Variants in AP5M1 observed in about 807,000 individuals in gnomAD.
The protein encoded by AP5M1 is adaptor related protein complex 5 subunit mu 1.
A neutral mutation model predicts 52.3 loss-of-function variants in AP5M1; 44 were observed. The observed-to-expected ratio is 0.84, with a 90% CI of 0.66 to 1.08. AP5M1 has a LOEUF of 1.08. Among genes scored for constraint, AP5M1 ranks in the 50% least tolerant of loss-of-function variants. The pLI is 0.00. For missense variants in AP5M1, 526 were observed against 568.4 expected, an observed-to-expected ratio of 0.93 and a Z score of 0.76; for synonymous variants, 213 against 199.0, an observed-to-expected ratio of 1.07 and a Z score of -0.59.
rs548669783 is a variant in AP5M1, at chr14:57,293,911, A to C, written c.*5027A>C. The C allele has an allele frequency of 1.3e-5, 2 of 151,748 alleles. No individual in the cohort carries two copies. The highest frequency in any genetic ancestry group is 1.9e-4 in the East Asian group (1 of 5,154). The allele number at this position is 151,748 out of a possible 1,614,324, so 9.4% of individuals were successfully genotyped here. On this transcript the variant is annotated 3_prime_UTR_variant, in exon 8 of 8. Coordinates refer to ENST00000261558, the MANE Select transcript of AP5M1 (RefSeq NM_018229.4). ...GTTAATAGTAATGAAATGATTCATTAAACTGAAAATTGCAAAGGAACTCAT... is the reference window on the plus strand; with the variant it reads ...GTTAATAGTAATGAAATGATTCATTCAACTGAAAATTGCAAAGGAACTCAT...
rs1014439282 is a variant in AP5M1 at position 57,291,005 on chromosome 14, A to G, written c.*2121A>G. On this transcript the variant is annotated 3_prime_UTR_variant, in exon 8 of 8. Transcript: ENST00000261558. The stretch of plus-strand genomic sequence containing the variant: ...CCTTTCTTCAGAGTCCGTTGCCACA[A>G]TTAAAGAAGAAACAGCTGCATTTCA... 4 of 151,896 alleles carry G rather than the reference A, an allele frequency of 2.6e-5. No homozygotes were observed. The highest frequency in any genetic ancestry group is 7.2e-5 in the African/African-American group (3 of 41,398). The allele number at this position is 151,896 out of a possible 1,614,324, so 9.4% of individuals were successfully genotyped here.
intron 2 of AP5M1, among the ~76,000 whole-genome samples, chr14:57,275,716 T>C (rs1187958386): frequency 2.0e-5 from 3 of 152,208 alleles, no homozygotes; most frequent in African/African-American, 7.2e-5. Context: ...CTCTGACATA[T>C]CTAAAATCAT....
Position 57,291,727 on chromosome 14 carries a change from A to G in AP5M1, c.*2843A>G, listed in dbSNP as rs1002539895. The G allele has an allele frequency of 1.7e-4, 26 of 151,894 alleles. No homozygotes were observed. Among genetic ancestry groups the G allele is most frequent in the African/African-American group, 5.8e-4 (24 of 41,394 alleles). The allele number at this position is 151,894 out of a possible 1,614,324, so 9.4% of individuals were successfully genotyped here. A position where few individuals can be genotyped will look rare whatever the true frequency, so the allele number is the denominator to read the frequency against. ...AAATTATGGTGTTTTTATACATTGT[A>G]TGATTTAAGATCTTTCAAGGCAGAC... On this transcript the variant is annotated 3_prime_UTR_variant, in exon 8 of 8. Coordinates refer to ENST00000261558, the MANE Select transcript of AP5M1 (RefSeq NM_018229.4).
In AP5M1 at chr14:57,297,328, T is replaced by C. The variant is rs997545309; in HGVS notation, c.*8444T>C. The stretch of plus-strand genomic sequence containing the variant: ...TCACTGATTTTGAATGTGTGCTCAA[T>C]TTGCTAGTATGAGATTTACCTCTGC... On this transcript the variant is annotated 3_prime_UTR_variant, in exon 8 of 8. Transcript: ENST00000261558. 2.6e-5 allele frequency: 4 copies of C among 152,160 alleles called. No homozygotes were observed. Among genetic ancestry groups the C allele is most frequent in the Admixed American group, 2.6e-4 (4 of 15,238 alleles). The allele number at this position is 152,160 out of a possible 1,614,324, so 9.4% of individuals were successfully genotyped here.
rs754722916 is a variant in AP5M1, at chr14:57,292,875, G to A, written c.*3991G>A. 4.6e-5 allele frequency: 7 copies of A among 151,424 alleles called. No homozygotes were observed. Among genetic ancestry groups the A allele is most frequent in the East Asian group, 1.9e-4 (1 of 5,172 alleles). 9.4% of individuals were successfully genotyped at this position (151,424 alleles called of 1,614,324 possible). On this transcript the variant is annotated 3_prime_UTR_variant, in exon 8 of 8. Coordinates refer to ENST00000261558, the MANE Select transcript of AP5M1 (RefSeq NM_018229.4). ...TATCCACCTTAAGACTAATGATTTC[G>A]AAGCTTTGTTAACTATTTCTTTTCT...
rs1298485846 is a variant in AP5M1, at chr14:57,296,640, C to T, written c.*7756C>T. 6.6e-6 allele frequency: 1 copy of T among 151,950 alleles called. No homozygotes were observed. Among genetic ancestry groups the T allele is most frequent in the Non-Finnish European group, 1.5e-5 (1 of 67,958 alleles). The allele number at this position is 151,950 out of a possible 1,614,324, so 9.4% of individuals were successfully genotyped here. On this transcript the variant is annotated 3_prime_UTR_variant, in exon 8 of 8. Transcript: ENST00000261558. ...TTTTTAATATGAATAACAGTGGTCT[C>T]GTGCCATAAGTATTTCTCTCATACA... is the stretch of plus-strand genomic sequence containing the variant.
At chr14:57,275,350 G>T (rs553729025) in intron 2 of AP5M1, 1 of 172,238 alleles carries the variant, frequency 5.8e-6, no homozygotes, top group Non-Finnish European at 1.2e-5. Context: ...CTGCTTAAGT[G>T]TCCTCACACT....
In AP5M1 at chr14:57,289,111, G is replaced by C. The variant is rs1885379484; in HGVS notation, c.*227G>C. The stretch of plus-strand genomic sequence containing the variant: ...TTCGATTTTATGCCAGTATAATTCA[G>C]AACATAGAAAAGTAATGATTCACTT... On this transcript the variant is annotated 3_prime_UTR_variant, in exon 8 of 8. Transcript: ENST00000261558. The C allele has an allele frequency of 3.3e-6, 1 of 307,458 alleles. No homozygotes were observed. Among genetic ancestry groups the C allele is most frequent in the Non-Finnish European group, 6.0e-6 (1 of 167,022 alleles). 19.0% of individuals were successfully genotyped at this position (307,458 alleles called of 1,614,324 possible). A position where few individuals can be genotyped will look rare whatever the true frequency, so the allele number is the denominator to read the frequency against.
chr14:57,274,685 A>G lies in AP5M1; in HGVS notation c.516A>G (p.Leu172=). 6.2e-7 allele frequency: 1 copy of G among 1,614,180 alleles called. No individual in the cohort carries two copies. The highest frequency in any genetic ancestry group is 2.2e-5 in the East Asian group (1 of 44,878). ...LLLQACPFGT[L]LDANLQNSLD... is the part of the protein sequence containing the mutation. ...TGCAGGCTTGTCCATTTGGTACTTT[A>G]TTAGATGCCAACTTACAGAATTCAT... The change falls in exon 2 of 8, where the codon TTA becomes TTG. Residue 172 remains leucine, a synonymous_variant. Transcript: ENST00000261558.
chr14:57,276,423 A>G lies in AP5M1; in HGVS notation c.720+1534A>G, dbSNP rs189943183. Among the ~76,000 whole-genome samples the G allele has an allele frequency of 3.6e-3, 552 of 152,214 alleles. 10 individuals carry two copies. Among genetic ancestry groups the G allele is most frequent in the Admixed American group, 0.025 (384 of 15,290 alleles). On this transcript the variant is annotated intron_variant, in intron 2 of 7. Transcript: ENST00000261558. Reference sequence around the variant, plus strand: ...AAACCCTGTCTCTACTAAAAATACAAAAATTAGCCAGGCATGTTGGAGCAT... The same window carrying G: ...AAACCCTGTCTCTACTAAAAATACAGAAATTAGCCAGGCATGTTGGAGCAT...
In AP5M1 at chr14:57,290,346, T is replaced by G. The variant is rs572283247; in HGVS notation, c.*1462T>G. 2.0e-5 allele frequency: 3 copies of G among 152,110 alleles called. No homozygotes were observed. In the East Asian group the frequency reaches 5.8e-4, roughly 29 times the overall value. The allele number at this position is 152,110 out of a possible 1,614,324, so 9.4% of individuals were successfully genotyped here. On this transcript the variant is annotated 3_prime_UTR_variant, in exon 8 of 8. Transcript: ENST00000261558. ...AGGATTTTAACTTGTTATTCTAGCT[T>G]AATCATAGATAATCAGCAGTGAAAA...
intron 7 of AP5M1, 71 bp from the exon 8 acceptor site, chr14:57,288,731 A>G: frequency 1.1e-6 from 1 of 925,464 alleles, no homozygotes; most frequent in Non-Finnish European, 1.7e-6. Context: ...CAATTTCAAA[A>G]ATCATGACTT....
At position 57,280,305 on chromosome 14, in the gene AP5M1, T is replaced by C. The variant is rs1015179651; in HGVS notation, c.831T>C (p.Ser277=). The C allele has an allele frequency of 1.2e-6, 2 of 1,613,834 alleles. No individual in the cohort carries two copies. The highest frequency in any genetic ancestry group is 1.7e-5 in the Admixed American group (1 of 60,016). Residue 277 remains serine (S), a synonymous_variant, in exon 3 of 8, where the codon TCT becomes TCC. Coordinates refer to ENST00000261558, the MANE Select transcript of AP5M1 (RefSeq NM_018229.4). ...ACCCTTGTGTAACTTCTCTTGACTC[T>C]GCAATTCTGACTTCTAGTAGTATTG... ...LVHPCVTSLD[S]AILTSSSIDA...
At position 57,280,236 on chromosome 14, in the gene AP5M1, G is replaced by A; in HGVS notation, c.762G>A (p.Leu254=). Residue 254 remains leucine, a synonymous_variant, in exon 3 of 8, where the codon TTG becomes TTA. Transcript: ENST00000261558. Reference sequence around the variant, plus strand: ...TCATGCCAAATGTTACCATCAGCTTGAGTCTCCCCACCAATGGATCTCCAC... The same window carrying A: ...TCATGCCAAATGTTACCATCAGCTTAAGTCTCCCCACCAATGGATCTCCAC... The part of the protein sequence containing the change: ...EGIMPNVTIS[L]SLPTNGSPLQ... 6.2e-7 allele frequency: 1 copy of A among 1,614,088 alleles called. No individual in the cohort carries two copies. Among genetic ancestry groups the A allele is most frequent in the Non-Finnish European group, 8.5e-7 (1 of 1,179,988 alleles).
chr14:57,297,934 G>A lies in AP5M1; in HGVS notation c.*9050G>A, dbSNP rs1014411968. On this transcript the variant is annotated 3_prime_UTR_variant, in exon 8 of 8. Coordinates refer to ENST00000261558, the MANE Select transcript of AP5M1 (RefSeq NM_018229.4). ...TGGGCACAGGTGAATTCTGCCCTGCGATTGCCATCTTTAGCACTTTTCAGA... is the reference window on the plus strand; with the variant it reads ...TGGGCACAGGTGAATTCTGCCCTGCAATTGCCATCTTTAGCACTTTTCAGA... 1.3e-5 allele frequency: 2 copies of A among 152,106 alleles called. No homozygotes were observed. The highest frequency in any genetic ancestry group is 4.8e-5 in the African/African-American group (2 of 41,414). 9.4% of individuals were successfully genotyped at this position (152,106 alleles called of 1,614,324 possible). A position where few individuals can be genotyped will look rare whatever the true frequency, so the allele number is the denominator to read the frequency against.
rs1312288291 is a variant in AP5M1 at position 57,292,103 on chromosome 14, A to G, written c.*3219A>G. ...TGACATCATTTAGATAGTTAGCTGTATTATCAGATTAGAAACCATTGTACC... is the reference window on the plus strand; with the variant it reads ...TGACATCATTTAGATAGTTAGCTGTGTTATCAGATTAGAAACCATTGTACC... On this transcript the variant is annotated 3_prime_UTR_variant, in exon 8 of 8. Coordinates refer to ENST00000261558, the MANE Select transcript of AP5M1 (RefSeq NM_018229.4). 1 of 151,896 alleles carries G rather than the reference A, an allele frequency of 6.6e-6. No individual in the cohort carries two copies. The highest frequency in any genetic ancestry group is 1.5e-5 in the Non-Finnish European group (1 of 67,864). 9.4% of individuals were successfully genotyped at this position (151,896 alleles called of 1,614,324 possible).
rs1885393801 is a variant in AP5M1, at chr14:57,289,608, A to G, written c.*724A>G. On this transcript the variant is annotated 3_prime_UTR_variant, in exon 8 of 8. Transcript: ENST00000261558. ...CATTTTGCTTAGGATGTCAGTAGCC[A>G]TATTAAGATGTGTAGAATACCTTCA... 6.6e-6 allele frequency: 1 copy of G among 152,150 alleles called. No individual in the cohort carries two copies. Among genetic ancestry groups the G allele is most frequent in the Admixed American group, 6.6e-5 (1 of 15,242 alleles). The allele number at this position is 152,150 out of a possible 1,614,324, so 9.4% of individuals were successfully genotyped here.
chr14:57,283,692 A>G (rs1885239668), intron 6 of AP5M1, among the ~76,000 whole-genome samples: 2 of 152,188 alleles, frequency 1.3e-5, no homozygotes, highest in Admixed American at 1.3e-4. Flanking sequence ...TGGTTATCAA[A>G]TTTGAGATTT....
chr14:57,286,379 C>T (rs1885309697), intron 7 of AP5M1, 60 bp downstream of exon 7: 2 of 1,078,330 alleles, frequency 1.9e-6, no homozygotes, highest in Middle Eastern at 2.0e-4. Flanking sequence ...CAGTTATTAC[C>T]TAAGGTAAAA....
Sources: gnomAD v4.1 joint callset for allele counts (sites outside exome capture counted in the v4.1 genomes callset) on GRCh38, gnomAD v4.1.1 for gene constraint, MANE v1.5 for transcripts, NCBI Gene and HGNC (gene_info 2026-07-23, HGNC 2026-07-21) for gene names.